The following TTC39B variants were observed in gnomAD, a reference collection of about 807,000 sequenced individuals.
The protein encoded by TTC39B is tetratricopeptide repeat protein 39B.
TTC39B carries 92 observed loss-of-function variants against 96.6 expected under a neutral mutation model. The observed-to-expected ratio is 0.95, with a 90% confidence interval of 0.80 to 1.13. The LOEUF (loss-of-function observed/expected upper bound fraction) is 1.13. Among genes scored for constraint, TTC39B ranks in the 50% most tolerant of loss-of-function variants. The probability of loss-of-function intolerance (pLI) is 0.00; values close to 1 mark genes in which losing one functional copy is unlikely to be tolerated. For missense variants in TTC39B, 955 were observed against 809.3 expected, an observed-to-expected ratio of 1.18 and a Z score of -2.18; for synonymous variants, 367 against 299.4, an observed-to-expected ratio of 1.23 and a Z score of -2.33.
chr9:15,177,665 G>A, intron 18 of TTC39B, 32 bp downstream of exon 18: 3 of 1,450,018 alleles, frequency 2.1e-6, no homozygotes, highest in Middle Eastern at 1.8e-4. Flanking sequence ...ACCACAATTT[G>A]CACTTGGGCT....
intron 1 of TTC39B, among the ~76,000 whole-genome samples, chr9:15,270,123 T>C (rs1823287302): frequency 6.6e-6 from 1 of 151,756 alleles, no homozygotes; most frequent in Non-Finnish European, 1.5e-5. Flanking sequence ...TGAGTCAAGA[T>C]TGCCCCACTG....
In TTC39B at chr9:15,190,738, A is replaced by G. The variant is rs571284870; in HGVS notation, c.997-76T>C. ...ATTCAGAAACTTTTTAAACATTTTTATATATTAGGGGGGTTACAAGTACAG... is the reference window on the plus strand; with the variant it reads ...ATTCAGAAACTTTTTAAACATTTTTGTATATTAGGGGGGTTACAAGTACAG... On this transcript the variant is annotated intron_variant, in intron 10 of 19. Coordinates refer to ENST00000512701, the Ensembl canonical transcript of TTC39B. The G allele has an allele frequency of 5.2e-4, 611 of 1,183,700 alleles. 2 individuals carry two copies. The highest frequency in any genetic ancestry group is 6.1e-4 in the Non-Finnish European group (494 of 813,150). 73.3% of individuals were successfully genotyped at this position (1,183,700 alleles called of 1,614,324 possible). A position where few individuals can be genotyped will look rare whatever the true frequency, so the allele number is the denominator to read the frequency against.
intron 1 of TTC39B, among the ~76,000 whole-genome samples, chr9:15,283,514 CT>C (rs1240905857): frequency 6.6e-6 from 1 of 151,598 alleles, no homozygotes; most frequent in Non-Finnish European, 1.5e-5. Context: ...GCCTGAGTTC[CT>C]TTTCATGCCA....
intron 2 of TTC39B, among the ~76,000 whole-genome samples, chr9:15,244,810 G>A (rs904502058): frequency 6.6e-6 from 1 of 151,696 alleles, no homozygotes; most frequent in Non-Finnish European, 1.5e-5. Flanking sequence ...GTTTTCAGTG[G>A]GACACTGAAT....
chr9:15,249,994 A>AT (rs760983303), intron 2 of TTC39B: 63 of 1,275,116 alleles, frequency 4.9e-5, no homozygotes, highest in East Asian at 3.4e-4. Flanking sequence ...CTTCTACCAG[A>AT]TTTTTTTTTA....
In TTC39B at chr9:15,254,828, TACACACACACAC is replaced by T. The variant is rs35980691; in HGVS notation, c.275+13074_275+13085del. On this transcript the variant is annotated intron_variant, in intron 2 of 19. Transcript: ENST00000512701. Reference sequence around the variant, plus strand: ...GGGAGATCTGACACACATAACTTTATACACACACACACACACACACACACACACACACAAACA... The same window carrying T: ...GGGAGATCTGACACACATAACTTTATACACACACACACACACACACAAACA... Among the ~76,000 whole-genome samples, 1,252 of 143,842 alleles carry T rather than the reference TACACACACACAC, an allele frequency of 8.7e-3. 19 individuals carry two copies. Among genetic ancestry groups the T allele is most frequent in the African/African-American group, 0.029 (1,164 of 39,766 alleles). 94.4% of individuals were successfully genotyped at this position (143,842 alleles called of 152,430 possible). A position where few individuals can be genotyped will look rare whatever the true frequency, so the allele number is the denominator to read the frequency against.
intron 17 of TTC39B, among the ~76,000 whole-genome samples, chr9:15,178,353 A>C (rs957863970): frequency 5.9e-5 from 9 of 152,274 alleles, no homozygotes; most frequent in Non-Finnish European, 1.0e-4. Context: ...TGGGAAGCTC[A>C]CTTGAGCCCA....
rs74964376 is a variant in TTC39B, at chr9:15,242,729, T to C, written c.276-16717A>G. ...TCCTATTCTCAAATGACTCAGAAAA[T>C]ACCTAATAATGTATATACATAGAAT... On this transcript the variant is annotated intron_variant, in intron 2 of 19. Coordinates refer to ENST00000512701, the Ensembl canonical transcript of TTC39B. Among the ~76,000 whole-genome samples the C allele has an allele frequency of 9.7e-3, 1,480 of 152,238 alleles. 25 individuals are homozygous for C. Among genetic ancestry groups the C allele is most frequent in the African/African-American group, 0.034 (1,403 of 41,528 alleles).
At chr9:15,283,379 A>G (rs1823838718) in intron 1 of TTC39B, among the ~76,000 whole-genome samples, 1 of 152,242 alleles carries the variant, frequency 6.6e-6, no homozygotes, top group South Asian at 2.1e-4. Context: ...ATGTCTGTAC[A>G]CCAAGCATTA....
At chr9:15,260,928 T>C (rs959764963) in intron 2 of TTC39B, among the ~76,000 whole-genome samples, 2 of 152,340 alleles carry the variant, frequency 1.3e-5, no homozygotes, top group East Asian at 1.9e-4. Flanking sequence ...CAGGATTCCA[T>C]TGAACACATA....
At chr9:15,192,505 A>G in intron 9 of TTC39B, 85 bp downstream of exon 9, 1 of 1,030,338 alleles carries the variant, frequency 9.7e-7, no homozygotes, top group Admixed American at 2.0e-5. Context: ...AAGGTTCAGG[A>G]TGAGGTTCAA....
At position 15,299,730 on chromosome 9, in the gene TTC39B, C is replaced by G. The variant is rs761558869; in HGVS notation, c.240+7354G>C. ...AGACTGGAGATTGGTCGGCTGTCAACAGATGGCTAGATGGAAACTCTGAGC... is the reference window on the plus strand; with the variant it reads ...AGACTGGAGATTGGTCGGCTGTCAAGAGATGGCTAGATGGAAACTCTGAGC... On this transcript the variant is annotated intron_variant, in intron 1 of 19. Coordinates refer to ENST00000512701, the Ensembl canonical transcript of TTC39B. Among the ~76,000 whole-genome samples the G allele has an allele frequency of 9.0e-4, 137 of 152,158 alleles. 1 individual carries two copies. Among genetic ancestry groups the G allele is most frequent in the Admixed American group, 1.6e-3 (25 of 15,278 alleles).
At chr9:15,229,334 C>T (rs569163980) in intron 2 of TTC39B, among the ~76,000 whole-genome samples, 1 of 152,358 alleles carries the variant, frequency 6.6e-6, no homozygotes, top group South Asian at 2.1e-4. Context: ...CCTTGGAGCA[C>T]TGTCTGACAG....
chr9:15,175,252 A>C, intron 18 of TTC39B, 117 bp from the exon 19 acceptor site: 1 of 681,716 alleles, frequency 1.5e-6, no homozygotes, highest in Non-Finnish European at 2.5e-6. Flanking sequence ...CTATTATCAT[A>C]GAAAGGCGGC....
At position 15,177,685 on chromosome 9, in the gene TTC39B, G is replaced by T. The variant is rs766205771; in HGVS notation, c.1841+12C>A. 2.5e-6 allele frequency: 4 copies of T among 1,577,852 alleles called. No homozygotes were observed. The East Asian group carries it at 9.0e-5, about 36-fold the overall frequency. ...AATTTGCACTTGGGCTGGTTTTATT[G>T]TTTGGTCTTACCTTTCCACAACATG... is the stretch of plus-strand genomic sequence containing the variant. On this transcript the variant is annotated intron_variant, in intron 18 of 19. Coordinates refer to ENST00000512701, the Ensembl canonical transcript of TTC39B.
At chr9:15,297,156 C>T (rs1036291268) in intron 1 of TTC39B, among the ~76,000 whole-genome samples, 5 of 152,210 alleles carry the variant, frequency 3.3e-5, no homozygotes, top group Non-Finnish European at 7.3e-5. Context: ...CAGCCTACTT[C>T]ACCACGCCTG....
intron 2 of TTC39B, among the ~76,000 whole-genome samples, chr9:15,235,905 T>C (rs1264948151): frequency 6.7e-6 from 1 of 150,162 alleles, no homozygotes; most frequent in African/African-American, 2.4e-5. Flanking sequence ...AACTACACAA[T>C]TGAAACTCCA....
At chr9:15,299,721 G>A (rs955780463) in intron 1 of TTC39B, among the ~76,000 whole-genome samples, 1 of 152,102 alleles carries the variant, frequency 6.6e-6, no homozygotes, top group Non-Finnish European at 1.5e-5. Flanking sequence ...GAGATTGGTC[G>A]GCTGTCAACA....
chr9:15,297,635 T>G (rs1329555472), intron 1 of TTC39B, among the ~76,000 whole-genome samples: 2 of 152,170 alleles, frequency 1.3e-5, no homozygotes, highest in Non-Finnish European at 2.9e-5. Context: ...CATGTTGCCT[T>G]AATTATTAGG....
Sources: gnomAD v4.1 joint callset for allele counts (sites outside exome capture counted in the v4.1 genomes callset) on GRCh38, gnomAD v4.1.1 for gene constraint, MANE v1.5 for transcripts, NCBI Gene and HGNC (gene_info 2026-07-23, HGNC 2026-07-21) for gene names.